CENPC: variants seen among roughly 807,000 people sequenced by gnomAD.
CENPC encodes CENP-C 1.
A neutral mutation model predicts 112.1 loss-of-function variants in CENPC; 63 were observed. The observed-to-expected ratio is 0.56, with a 90% confidence interval of 0.46 to 0.69. The LOEUF is 0.69. CENPC is among the 30% of genes least tolerant of loss of function. The probability of loss-of-function intolerance (pLI) is 0.00; values close to 1 mark genes in which losing one functional copy is unlikely to be tolerated. For missense variants in CENPC, 1,000 were observed against 1,103.8 expected (o/e 0.91, Z 1.33); for synonymous variants, 333 against 367.6 (o/e 0.91, Z 1.08).
In CENPC at chr4:67,491,445, T is replaced by TGATA. The variant is rs1560423071; in HGVS notation, c.2515+734_2515+735insTATC. 1.5e-3 allele frequency among the ~76,000 whole-genome samples: 94 copies of TGATA among 64,144 alleles called. 4 individuals carry two copies. The highest frequency in any genetic ancestry group is 4.3e-3 in the East Asian group (9 of 2,092). The allele number at this position is 64,144 out of a possible 152,430, so 42.1% of individuals were successfully genotyped here. On this transcript the variant is annotated intron_variant, in intron 16 of 18. Transcript: ENST00000273853. The stretch of plus-strand genomic sequence containing the variant: ...ACAGTTGTTAATATATTTAAATATT[T>TGATA]CATATATATATATATATATATATAT...
chr4:67,523,621 T>C (rs1373956905), intron 5 of CENPC, among the ~76,000 whole-genome samples: 3 of 151,676 alleles, frequency 2.0e-5, no homozygotes, highest in African/African-American at 7.3e-5. Context: ...TACAGATAGT[T>C]ACATTTAAAG....
rs184605975 is a variant in CENPC at position 67,517,730 on chromosome 4, C to T, written c.830+426G>A. ...GCAGGTGCCTGTGATCCCAGCTACT[C>T]GGGAGGCTGAGCAGGAGAATCTCTT... is the stretch of plus-strand genomic sequence containing the variant. On this transcript the variant is annotated intron_variant, in intron 7 of 18. Transcript: ENST00000273853. 9.0e-4 allele frequency among the ~76,000 whole-genome samples: 136 copies of T among 151,920 alleles called. 1 individual carries two copies. Among genetic ancestry groups the T allele is most frequent in the African/African-American group, 3.0e-3 (124 of 41,506 alleles).
At chr4:67,517,442 A>G (rs1726089745) in intron 7 of CENPC, among the ~76,000 whole-genome samples, 1 of 151,666 alleles carries the variant, frequency 6.6e-6, no homozygotes, top group Non-Finnish European at 1.5e-5. Context: ...CATTACAGAC[A>G]TGAGCCACCG....
chr4:67,519,102 T>C (rs1299790016), intron 6 of CENPC, 115 bp downstream of exon 6: 2 of 735,178 alleles, frequency 2.7e-6, no homozygotes, highest in East Asian at 2.8e-5. Flanking sequence ...TCTCATAACA[T>C]GTTAATATTC....
At position 67,514,425 on chromosome 4, in the gene CENPC, G is replaced by T. The variant is rs773517184; in HGVS notation, c.1093C>A (p.His365Asn). The change falls in exon 8 of 19, where the codon CAT (histidine) becomes AAT (asparagine). Residue 365 changes from histidine to asparagine, a missense_variant. By Grantham distance (68) the His-to-Asn change is moderately conservative (BLOSUM62 1). Transcript: ENST00000273853. ...PKTLANDKHSHKPHPVETSQP... is the reference protein window; with the variant it reads ...PKTLANDKHSNKPHPVETSQP... ...GATGTCTCTACTGGGTGAGGTTTATGGGAATGTTTGTCATTTGCCAAAGTC... is the reference window on the plus strand; with the variant it reads ...GATGTCTCTACTGGGTGAGGTTTATTGGAATGTTTGTCATTTGCCAAAGTC... 6.2e-7 allele frequency: 1 copy of T among 1,613,562 alleles called. No homozygotes were observed. The highest frequency in any genetic ancestry group is 8.5e-7 in the Non-Finnish European group (1 of 1,179,858).
At chr4:67,476,296 T>C (rs1457888683) in intron 17 of CENPC, among the ~76,000 whole-genome samples, 1 of 152,160 alleles carries the variant, frequency 6.6e-6, no homozygotes, top group African/African-American at 2.4e-5. Flanking sequence ...AAGAAATGGC[T>C]TGCTGCTGCA....
intron 12 of CENPC, among the ~76,000 whole-genome samples, chr4:67,500,312 A>G (rs746870054): frequency 2.0e-5 from 3 of 152,160 alleles, no homozygotes; most frequent in Non-Finnish European, 2.9e-5. Context: ...ATATAGAAAT[A>G]GATATAGATG....
chr4:67,513,487 ACTTC>A (rs1725955131), intron 8 of CENPC, among the ~76,000 whole-genome samples: 1 of 152,202 alleles, frequency 6.6e-6, no homozygotes, highest in Admixed American at 6.6e-5. Context: ...TTTCAAGTAT[ACTTC>A]CTTCATATGT....
intron 4 of CENPC, among the ~76,000 whole-genome samples, chr4:67,532,009 T>TA (rs1726565161): frequency 6.6e-6 from 1 of 152,186 alleles, no homozygotes; most frequent in Admixed American, 6.5e-5. Flanking sequence ...GACAAAGGGC[T>TA]AATATCCAGA....
In CENPC at chr4:67,509,195, A is replaced by C. The variant is rs183905175; in HGVS notation, c.1613-90T>G. ...CCAACAGCATTTATATTTGCATATA[A>C]ACATATACACATACACACACACACA... On this transcript the variant is annotated intron_variant, in intron 9 of 18. Coordinates refer to ENST00000273853, the MANE Select transcript of CENPC (RefSeq NM_001812.4). 2.1e-4 allele frequency: 141 copies of C among 666,024 alleles called. 1 individual carries two copies. The African/African-American group carries it at 2.6e-3, about 12-fold the overall frequency. 41.3% of individuals were successfully genotyped at this position (666,024 alleles called of 1,614,324 possible).
rs530469905 is a variant in CENPC at position 67,471,800 on chromosome 4, T to C, written c.*805A>G. The C allele has an allele frequency of 3.2e-4, 49 of 152,364 alleles. No individual in the cohort carries two copies. Among genetic ancestry groups the C allele is most frequent in the African/African-American group, 1.1e-3 (46 of 41,564 alleles). 9.4% of individuals were successfully genotyped at this position (152,364 alleles called of 1,614,324 possible). Reference sequence around the variant, plus strand: ...GATTAGAATTTTTAGCTTAGATGTATTGATTGATATTAAAAAGGGAAAGTT... The same window carrying C: ...GATTAGAATTTTTAGCTTAGATGTACTGATTGATATTAAAAAGGGAAAGTT... On this transcript the variant is annotated 3_prime_UTR_variant, in exon 19 of 19. Coordinates refer to ENST00000273853, the MANE Select transcript of CENPC (RefSeq NM_001812.4).
chr4:67,525,086 C>G (rs1726337025), intron 5 of CENPC, among the ~76,000 whole-genome samples: 1 of 152,216 alleles, frequency 6.6e-6, no homozygotes, highest in South Asian at 2.1e-4. Flanking sequence ...AAAGGATTCT[C>G]TGTTTAACAA....
intron 17 of CENPC, among the ~76,000 whole-genome samples, chr4:67,489,248 T>G (rs894112790): frequency 1.3e-5 from 2 of 151,290 alleles, no homozygotes; most frequent in East Asian, 3.9e-4. Flanking sequence ...CAGACCAATG[T>G]TGCAGAGGTG....
At chr4:67,508,195 T>C (rs1034109898) in intron 10 of CENPC, among the ~76,000 whole-genome samples, 2 of 152,176 alleles carry the variant, frequency 1.3e-5, no homozygotes, top group African/African-American at 2.4e-5. Context: ...ATTTGAACTA[T>C]ACACTTAAAA....
chr4:67,531,553 T>C (rs1328727590), intron 4 of CENPC, among the ~76,000 whole-genome samples: 2 of 152,212 alleles, frequency 1.3e-5, no homozygotes, highest in Non-Finnish European at 1.5e-5. Context: ...CTGTGATCTG[T>C]GGTGAACATC....
intron 2 of CENPC, 116 bp from the exon 3 acceptor site, chr4:67,541,166 C>G: frequency 1.5e-6 from 1 of 656,070 alleles, no homozygotes; most frequent in Non-Finnish European, 2.6e-6. Flanking sequence ...TGTAAAATAT[C>G]TTTACTATTT....
chr4:67,529,751 AG>A (rs1726489938), intron 5 of CENPC, among the ~76,000 whole-genome samples: 1 of 152,214 alleles, frequency 6.6e-6, no homozygotes, highest in Non-Finnish European at 1.5e-5. Context: ...GAATTCCAAA[AG>A]TTTATTTGGA....
intron 17 of CENPC, among the ~76,000 whole-genome samples, chr4:67,480,766 C>G (rs567015461): frequency 6.6e-6 from 1 of 152,192 alleles, no homozygotes; most frequent in East Asian, 1.9e-4. Context: ...TTAAAACCCT[C>G]AGCAAAATCG....
chr4:67,492,214 T>C lies in CENPC; in HGVS notation c.2481A>G (p.Val827=). Residue 827 remains valine, a synonymous_variant, in exon 16 of 19, where the codon GTA becomes GTG. Transcript: ENST00000273853. ...PLGDPLQPTR[V]KDPETREIIL... Reference sequence around the variant, plus strand: ...TAATCTCTCTTGTTTCTGGGTCCTTTACCCTCGTTGGCTGCAAAGGATCTC... The same window carrying C: ...TAATCTCTCTTGTTTCTGGGTCCTTCACCCTCGTTGGCTGCAAAGGATCTC... The C allele has an allele frequency of 1.3e-6, 2 of 1,569,098 alleles. No individual in the cohort carries two copies. The highest frequency in any genetic ancestry group is 1.7e-6 in the Non-Finnish European group (2 of 1,154,880).
Sources: gnomAD v4.1 joint callset for allele counts (sites outside exome capture counted in the v4.1 genomes callset) on GRCh38, gnomAD v4.1.1 for gene constraint, MANE v1.5 for transcripts, NCBI Gene and HGNC (gene_info 2026-07-23, HGNC 2026-07-21) for gene names.